The following AKAP13 variants were observed in gnomAD, a reference collection of about 807,000 sequenced individuals.
The protein encoded by AKAP13 is A-kinase anchoring protein 13.
A neutral mutation model predicts 264.5 loss-of-function variants in AKAP13; 80 were observed. The ratio of observed to expected loss-of-function variants is 0.30; its 90% confidence interval spans 0.25 to 0.36. The LOEUF (loss-of-function observed/expected upper bound fraction) is 0.36, where lower values mean the gene tolerates loss of function less well. Ranked by LOEUF, AKAP13 falls within the 10% of genes least tolerant of loss-of-function variation. AKAP13 has a pLI of 1.00. For missense variants in AKAP13, 3,712 were observed against 3,435.2 expected (o/e 1.08, Z -2.01); for synonymous variants, 1,380 against 1,250.2 (o/e 1.10, Z -2.19).
chr15:85,490,809 G>A (rs35066314), intron 2 of AKAP13, among the ~76,000 whole-genome samples: 6 of 152,140 alleles, frequency 3.9e-5, no homozygotes, highest in Non-Finnish European at 7.4e-5. Context: ...TTGCATTGTA[G>A]TGAGAAGAAG....
At chr15:85,684,003 G>A (rs911643848) in intron 15 of AKAP13, among the ~76,000 whole-genome samples, 6 of 152,114 alleles carry the variant, frequency 3.9e-5, no homozygotes, top group Non-Finnish European at 7.4e-5. Context: ...TGATTGTCCC[G>A]TGTGCCAAAG....
chr15:85,559,267 C>G (rs2078268979), intron 5 of AKAP13, among the ~76,000 whole-genome samples: 1 of 152,086 alleles, frequency 6.6e-6, no homozygotes, highest in South Asian at 2.1e-4. Flanking sequence ...AGAGACAACA[C>G]AAGTTCTGAC....
intron 2 of AKAP13, among the ~76,000 whole-genome samples, chr15:85,520,445 C>G (rs1391110019): frequency 1.4e-5 from 2 of 140,354 alleles, no homozygotes; most frequent in East Asian, 2.1e-4. Context: ...TTGCAGTGAG[C>G]TGAGATCACG....
chr15:85,582,962 A>T, intron 7 of AKAP13: 1 of 985,480 alleles, frequency 1.0e-6, no homozygotes, highest in Non-Finnish European at 1.2e-6. Flanking sequence ...GGCAGCAAAG[A>T]GAAACCGCTA....
At chr15:85,623,968 T>G (rs1431629609) in intron 8 of AKAP13, among the ~76,000 whole-genome samples, 1 of 152,100 alleles carries the variant, frequency 6.6e-6, no homozygotes, top group Non-Finnish European at 1.5e-5. Flanking sequence ...CCTCGGAAGT[T>G]GGTAACTGAT....
chr15:85,554,672 G>A (rs993446618), intron 5 of AKAP13, among the ~76,000 whole-genome samples: 21 of 151,826 alleles, frequency 1.4e-4, no homozygotes, highest in Admixed American at 1.1e-3. Context: ...ATACCACACA[G>A]TCACAATATA....
intron 5 of AKAP13, among the ~76,000 whole-genome samples, chr15:85,561,683 C>G (rs8025492): frequency 0.67 from 101,294 of 152,012 alleles, 33,893 homozygotes; most frequent in Middle Eastern, 0.78. Context: ...GATCTTGAAA[C>G]CAGTACAGTA....
At chr15:85,698,671 C>T (rs1177411587) in intron 17 of AKAP13, among the ~76,000 whole-genome samples, 2 of 151,700 alleles carry the variant, frequency 1.3e-5, no homozygotes, top group East Asian at 3.9e-4. Context: ...AGGCCTGGCA[C>T]GGTGGCTCAT....
At chr15:85,693,075 C>T (rs1201208964) in intron 16 of AKAP13, 15 of 857,052 alleles carry the variant, frequency 1.8e-5, no homozygotes, top group Non-Finnish European at 2.3e-5. Flanking sequence ...GCCCAGTTTT[C>T]GTGTGAATTT....
At chr15:85,458,379 A>ATTTTTTTTTTT (rs937688611) in intron 1 of AKAP13, among the ~76,000 whole-genome samples, 1 of 107,534 alleles carries the variant, frequency 9.3e-6, no homozygotes, top group African/African-American at 5.5e-5. Context: ...CTTTTTTTGT[A>ATTTTTTTTTTT]TTTTTTGTTT....
At chr15:85,734,843 G>A in intron 30 of AKAP13, 149 bp from the exon 31 acceptor site, 1 of 1,037,546 alleles carries the variant, frequency 9.6e-7, no homozygotes, top group Non-Finnish European at 1.4e-6. Context: ...CATACCCTGA[G>A]CTGAGACCCT....
intron 1 of AKAP13, among the ~76,000 whole-genome samples, chr15:85,459,280 G>T (rs867937650): frequency 1.3e-5 from 2 of 151,896 alleles, no homozygotes; most frequent in African/African-American, 4.8e-5. Context: ...CTGCCTTCCG[G>T]GTTCAAAAGA....
chr15:85,685,942 A>G (rs1007665796), intron 16 of AKAP13, among the ~76,000 whole-genome samples: 10 of 152,168 alleles, frequency 6.6e-5, no homozygotes, highest in Admixed American at 3.3e-4. Context: ...TTAAAAATGT[A>G]TTTTCAAAAG....
At chr15:85,453,396 G>A (rs1237667239) in intron 1 of AKAP13, among the ~76,000 whole-genome samples, 1 of 152,176 alleles carries the variant, frequency 6.6e-6, no homozygotes, top group Non-Finnish European at 1.5e-5. Context: ...TGGTATACTT[G>A]AGGCCTGCAG....
intron 4 of AKAP13, 32 bp downstream of exon 4, chr15:85,533,912 T>C (rs1480841436): frequency 6.6e-7 from 1 of 1,520,768 alleles, no homozygotes. Flanking sequence ...AAACACACTT[T>C]AAGTTTGTGA....
chr15:85,556,039 T>G (rs1309352646), intron 5 of AKAP13, among the ~76,000 whole-genome samples: 14 of 152,184 alleles, frequency 9.2e-5, no homozygotes, highest in Admixed American at 6.5e-4. Context: ...AGAGGTAGGT[T>G]TCGTTGTGGG....
intron 14 of AKAP13, among the ~76,000 whole-genome samples, chr15:85,677,341 T>C (rs2151588394): frequency 6.6e-6 from 1 of 152,366 alleles, no homozygotes; most frequent in South Asian, 2.1e-4. Context: ...AGATAATCTT[T>C]CTAGCACACA....
chr15:85,615,432 G>A (rs1437500324), intron 8 of AKAP13, among the ~76,000 whole-genome samples: 1 of 90,858 alleles, frequency 1.1e-5, no homozygotes, highest in Non-Finnish European at 2.5e-5. Flanking sequence ...AATTGGAGAC[G>A]ATCCTTTGCA....
At chr15:85,711,295 A>AC (rs2086624195) in intron 19 of AKAP13, among the ~76,000 whole-genome samples, 1 of 151,986 alleles carries the variant, frequency 6.6e-6, no homozygotes, top group African/African-American at 2.4e-5. Context: ...TTCACATCAA[A>AC]CCATTTTCAC....
Sources: gnomAD v4.1 joint callset for allele counts (sites outside exome capture counted in the v4.1 genomes callset) on GRCh38, gnomAD v4.1.1 for gene constraint, MANE v1.5 for transcripts, NCBI Gene and HGNC (gene_info 2026-07-23, HGNC 2026-07-21) for gene names.